The following STAC variants were observed in gnomAD, a reference collection of about 807,000 sequenced individuals.
STAC encodes SH3 and cysteine-rich domain-containing protein.
STAC carries 43 observed loss-of-function variants against 48.8 expected under a neutral mutation model. That is an observed-to-expected ratio of 0.88 (90% CI 0.69 to 1.14). STAC has a LOEUF of 1.14. Among genes scored for constraint, STAC ranks in the 50% most tolerant of loss-of-function variants. The pLI, the probability that STAC is intolerant of heterozygous loss-of-function variation, is 0.00. For synonymous variants in STAC, 193 were observed against 179.5 expected (o/e 1.07, Z -0.60); for missense variants, 497 against 504.0 (o/e 0.99, Z 0.13).
At chr3:36,545,241 G>A (rs757867477) in intron 10 of STAC, among the ~76,000 whole-genome samples, 6 of 152,198 alleles carry the variant, frequency 3.9e-5, no homozygotes, top group African/African-American at 9.6e-5. Flanking sequence ...GGGTTCAAAA[G>A]TCTGAAACCC....
rs1478655632 is a variant in STAC at position 36,493,232 on chromosome 3, G to A, written c.766+3G>A. ...CCTAAGGAAACGCAGCAACAGCGGT[G>A]AGTGAGGGAGTTGGCACAGCACAAA... On this transcript the variant is annotated splice_donor_region_variant and intron_variant, in intron 6 of 10. Transcript: ENST00000273183. The A allele has an allele frequency of 5.6e-6, 9 of 1,612,930 alleles. No individual in the cohort carries two copies. Among genetic ancestry groups the A allele is most frequent in the Non-Finnish European group, 6.8e-6 (8 of 1,179,256 alleles).
At chr3:36,414,264 G>C (rs183611397) in intron 1 of STAC, among the ~76,000 whole-genome samples, 12 of 152,280 alleles carry the variant, frequency 7.9e-5, no homozygotes, top group Admixed American at 5.2e-4. Context: ...ATATCCTGCA[G>C]AGTGTTTTCC....
intron 8 of STAC, among the ~76,000 whole-genome samples, chr3:36,506,826 TAAG>T (rs1483486000): frequency 6.6e-6 from 1 of 152,338 alleles, no homozygotes; most frequent in African/African-American, 2.4e-5. Context: ...GATTTTGGGC[TAAG>T]ATGATGGGGT....
intron 10 of STAC, among the ~76,000 whole-genome samples, chr3:36,543,984 G>A (rs1699387125): frequency 6.6e-6 from 1 of 152,112 alleles, no homozygotes; most frequent in African/African-American, 2.4e-5. Flanking sequence ...CAAAGGGCGG[G>A]TGTTTATATT....
At chr3:36,450,669 G>A (rs1238338504) in intron 2 of STAC, among the ~76,000 whole-genome samples, 2 of 152,138 alleles carry the variant, frequency 1.3e-5, no homozygotes, top group Admixed American at 6.5e-5. Flanking sequence ...GGGATTACAG[G>A]TGCCCGCCAC....
chr3:36,483,146 T>C (rs1294058434), intron 3 of STAC, 54 bp downstream of exon 3: 2 of 1,374,490 alleles, frequency 1.5e-6, no homozygotes, highest in Middle Eastern at 1.9e-4. Context: ...GGCACTTGCC[T>C]GCTGCAGTGA....
intron 2 of STAC, among the ~76,000 whole-genome samples, chr3:36,448,836 G>A (rs1378187015): frequency 6.6e-6 from 1 of 151,864 alleles, no homozygotes; most frequent in Admixed American, 6.6e-5. Flanking sequence ...TCAGCTACTG[G>A]GAAGGGTAAG....
At chr3:36,480,373 G>T (rs922836288) in intron 2 of STAC, among the ~76,000 whole-genome samples, 7 of 152,216 alleles carry the variant, frequency 4.6e-5, no homozygotes, top group Non-Finnish European at 1.0e-4. Flanking sequence ...TTTCTGTGAA[G>T]TGATTATGAC....
At chr3:36,435,959 C>T (rs1247479497) in intron 1 of STAC, among the ~76,000 whole-genome samples, 1 of 152,158 alleles carries the variant, frequency 6.6e-6, no homozygotes, top group Non-Finnish European at 1.5e-5. Context: ...TACTGGAATG[C>T]CCCAGAGTTC....
chr3:36,494,151 CAAAAAAA>C (rs751587518), intron 6 of STAC, among the ~76,000 whole-genome samples: 37 of 56,896 alleles, frequency 6.5e-4, no homozygotes, highest in African/African-American at 1.4e-3. Flanking sequence ...GACTCCGTCT[CAAAAAAA>C]AAAAAAAAAA....
intron 6 of STAC, among the ~76,000 whole-genome samples, chr3:36,502,353 C>T (rs1235760095): frequency 1.1e-4 from 17 of 152,172 alleles, no homozygotes; most frequent in Admixed American, 1.1e-3. Context: ...CTTTCATTAA[C>T]TCAAAGTCTT....
chr3:36,459,307 A>G (rs1196106235), intron 2 of STAC: 1 of 152,152 alleles, frequency 6.6e-6, no homozygotes, highest in Non-Finnish European at 1.5e-5. Context: ...GGAAAGCCAC[A>G]AGTGGAAACA....
chr3:36,493,345 G>A (rs961685265), intron 6 of STAC, 116 bp downstream of exon 6: 2 of 916,674 alleles, frequency 2.2e-6, no homozygotes, highest in African/African-American at 3.3e-5. Flanking sequence ...TTTAATCAGG[G>A]CGAGTGTTCA....
intron 1 of STAC, among the ~76,000 whole-genome samples, chr3:36,413,033 T>C (rs1700232548): frequency 6.6e-6 from 1 of 152,194 alleles, no homozygotes; most frequent in African/African-American, 2.4e-5. Context: ...CACTGTGGTC[T>C]GAGAGACAGT....
At chr3:36,511,603 A>G (rs1698541178) in intron 8 of STAC, among the ~76,000 whole-genome samples, 3 of 152,240 alleles carry the variant, frequency 2.0e-5, no homozygotes. Flanking sequence ...TTGCCAGAGC[A>G]TTGGGAAAAT....
intron 10 of STAC, among the ~76,000 whole-genome samples, chr3:36,543,119 T>C (rs4678886): frequency 0.1 from 15,784 of 152,140 alleles, 1,055 homozygotes; most frequent in East Asian, 0.27. Context: ...CCGAGACAAG[T>C]TGGTCACCCT....
chr3:36,499,911 G>A (rs964655455), intron 6 of STAC, among the ~76,000 whole-genome samples: 29 of 152,028 alleles, frequency 1.9e-4, no homozygotes, highest in African/African-American at 6.7e-4. Context: ...TTGACTTTAA[G>A]ACCAAGAAAG....
intron 1 of STAC, among the ~76,000 whole-genome samples, chr3:36,415,511 G>A (rs1218901592): frequency 6.6e-6 from 1 of 152,218 alleles, no homozygotes; most frequent in Non-Finnish European, 1.5e-5. Flanking sequence ...CAGTATTGGG[G>A]TGGGAGTGAC....
chr3:36,432,404 T>C (rs1271953312), intron 1 of STAC, among the ~76,000 whole-genome samples: 1 of 152,166 alleles, frequency 6.6e-6, no homozygotes, highest in African/African-American at 2.4e-5. Flanking sequence ...AAGGGAGCCT[T>C]AAAACTTTTG....
Sources: allele counts gnomAD v4.1 joint callset (sites outside exome capture counted in the v4.1 genomes callset), GRCh38; gene constraint gnomAD v4.1.1; transcripts MANE v1.5; gene names NCBI Gene and HGNC (gene_info 2026-07-23, HGNC 2026-07-21).